CPED1: variants seen among roughly 807,000 people sequenced by gnomAD.
CPED1 encodes cadherin like and PC-esterase domain containing 1.
CPED1 carries 114 observed loss-of-function variants against 128.2 expected under a neutral mutation model. The ratio of observed to expected loss-of-function variants is 0.89; its 90% CI spans 0.76 to 1.04. The LOEUF is 1.04. Ranked by LOEUF, CPED1 falls within the 50% of genes least tolerant of loss-of-function variation. The pLI, the probability that CPED1 is intolerant of heterozygous loss-of-function variation, is 0.00. For synonymous variants in CPED1, 462 were observed against 426.7 expected (o/e 1.08, Z -1.02); for missense variants, 1,211 against 1,207.1 (o/e 1.00, Z -0.05).
intron 16 of CPED1, among the ~76,000 whole-genome samples, chr7:121,163,054 C>T (rs1170028655): frequency 6.6e-6 from 1 of 152,192 alleles, no homozygotes; most frequent in Non-Finnish European, 1.5e-5. Flanking sequence ...AGAACAAAGT[C>T]TACCTGAGGT....
chr7:121,270,180 G>A (rs1373917203), intron 21 of CPED1, among the ~76,000 whole-genome samples: 4 of 151,998 alleles, frequency 2.6e-5, no homozygotes, highest in Non-Finnish European at 5.9e-5. Flanking sequence ...ATTTGGAGGG[G>A]ACAAATATTC....
At chr7:120,999,842 T>C (rs1791781379) in intron 2 of CPED1, among the ~76,000 whole-genome samples, 1 of 152,166 alleles carries the variant, frequency 6.6e-6, no homozygotes, top group South Asian at 2.1e-4. Context: ...TTCAAATTTG[T>C]TTACATTAGA....
At chr7:121,111,386 A>G (rs1033341586) in intron 7 of CPED1, among the ~76,000 whole-genome samples, 4 of 152,190 alleles carry the variant, frequency 2.6e-5, no homozygotes, top group Non-Finnish European at 5.9e-5. Flanking sequence ...CTGGTGTGAC[A>G]GGGAGGTTCC....
chr7:121,231,966 A>G (rs937077669), intron 16 of CPED1, among the ~76,000 whole-genome samples: 1 of 152,154 alleles, frequency 6.6e-6, no homozygotes. Flanking sequence ...GAGAATGACA[A>G]TGGCTAAGGT....
At chr7:121,248,167 A>G (rs892700643) in intron 18 of CPED1, among the ~76,000 whole-genome samples, 2 of 152,086 alleles carry the variant, frequency 1.3e-5, no homozygotes, top group African/African-American at 2.4e-5. Context: ...TGTGGCCAGC[A>G]CTCAAGTGGG....
intron 16 of CPED1, among the ~76,000 whole-genome samples, chr7:121,156,622 T>C (rs1796290417): frequency 6.6e-6 from 1 of 152,086 alleles, no homozygotes; most frequent in Non-Finnish European, 1.5e-5. Flanking sequence ...TTCATATATG[T>C]GAGCTAAAAA....
intron 16 of CPED1, among the ~76,000 whole-genome samples, chr7:121,193,352 T>C (rs1219996129): frequency 6.6e-6 from 1 of 152,100 alleles, no homozygotes; most frequent in Non-Finnish European, 1.5e-5. Context: ...TGATGGAAAA[T>C]TTGAACAATC....
intron 16 of CPED1, among the ~76,000 whole-genome samples, chr7:121,179,060 C>T (rs28476487): frequency 0.065 from 9,896 of 152,012 alleles, 410 homozygotes; most frequent in African/African-American, 0.1. Flanking sequence ...AAAGCTGTAC[C>T]GTGTTTTGGA....
intron 16 of CPED1, among the ~76,000 whole-genome samples, chr7:121,205,355 CT>C (rs1161525751): frequency 6.6e-6 from 1 of 151,996 alleles, no homozygotes; most frequent in Non-Finnish European, 1.5e-5. Flanking sequence ...TTTCATCCCT[CT>C]TATATTTTTC....
At chr7:121,021,182 G>C (rs1174214838) in intron 3 of CPED1, among the ~76,000 whole-genome samples, 4 of 151,770 alleles carry the variant, frequency 2.6e-5, no homozygotes, top group Non-Finnish European at 5.9e-5. Context: ...ATGTGTTCTT[G>C]GGAAATACTA....
chr7:121,097,672 G>A (rs1794731144), intron 5 of CPED1, 27 bp from the exon 6 acceptor site: 2 of 1,611,392 alleles, frequency 1.2e-6, no homozygotes, highest in Non-Finnish European at 1.7e-6. Flanking sequence ...TAAAATGACT[G>A]TCTTCTGCTC....
chr7:121,139,695 G>C (rs556567139), intron 14 of CPED1, among the ~76,000 whole-genome samples: 1 of 152,104 alleles, frequency 6.6e-6, no homozygotes, highest in South Asian at 2.1e-4. Flanking sequence ...AAGAATGGAA[G>C]ACAAATCAAC....
intron 18 of CPED1, among the ~76,000 whole-genome samples, chr7:121,256,111 C>CAAAAAAAAAAAAAAAAACAAAAAAA (rs1286167648): frequency 2.9e-5 from 1 of 34,152 alleles, no homozygotes; most frequent in Non-Finnish European, 5.7e-5. Context: ...CAATCCTAAG[C>CAAAAAAAAAAAAAAAAACAAAAAAA]AAAAAAAAAA....
intron 22 of CPED1, among the ~76,000 whole-genome samples, chr7:121,271,729 G>A (rs1334492880): frequency 1.3e-5 from 2 of 152,008 alleles, no homozygotes; most frequent in African/African-American, 2.4e-5. Context: ...TAGACTTCAA[G>A]CCTTCCCATC....
At chr7:121,228,278 T>A (rs1298980983) in intron 16 of CPED1, among the ~76,000 whole-genome samples, 1 of 151,858 alleles carries the variant, frequency 6.6e-6, no homozygotes, top group Non-Finnish European at 1.5e-5. Context: ...CACAAGGAAC[T>A]CAAACAACAA....
At chr7:121,087,237 A>T (rs556411394) in intron 5 of CPED1, among the ~76,000 whole-genome samples, 1 of 152,022 alleles carries the variant, frequency 6.6e-6, no homozygotes, top group Non-Finnish European at 1.5e-5. Context: ...TACACAATAA[A>T]TTTTTTGCCA....
intron 5 of CPED1, among the ~76,000 whole-genome samples, chr7:121,087,337 C>T (rs1284209649): frequency 6.6e-6 from 1 of 152,164 alleles, no homozygotes; most frequent in Admixed American, 6.5e-5. Flanking sequence ...CTTCATTGGT[C>T]TCTTTGTCCA....
chr7:121,183,585 A>G (rs1300341257), intron 16 of CPED1, among the ~76,000 whole-genome samples: 1 of 152,180 alleles, frequency 6.6e-6, no homozygotes, highest in African/African-American at 2.4e-5. Context: ...AGCAGTGGGT[A>G]AGTGGATGAA....
At chr7:121,087,682 G>GTTTTTTTTTTCA (rs1794466437) in intron 5 of CPED1, among the ~76,000 whole-genome samples, 1 of 111,580 alleles carries the variant, frequency 9.0e-6, no homozygotes, top group African/African-American at 4.1e-5. Context: ...TTTTTTTTTG[G>GTTTTTTTTTTCA]CAGAGTCTTT....
Sources: allele counts gnomAD v4.1 joint callset (sites outside exome capture counted in the v4.1 genomes callset), GRCh38; gene constraint gnomAD v4.1.1; transcripts MANE v1.5; gene names NCBI Gene and HGNC (gene_info 2026-07-23, HGNC 2026-07-21).